The following CDC42BPA variants were observed in gnomAD, a reference collection of about 807,000 sequenced individuals.
CDC42BPA encodes the protein serine/threonine-protein kinase MRCK alpha.
A neutral mutation model predicts 223.5 loss-of-function variants in CDC42BPA; 80 were observed. The observed-to-expected ratio is 0.36, with a 90% CI of 0.30 to 0.43. CDC42BPA has a LOEUF of 0.43. CDC42BPA is among the 20% of genes least tolerant of loss of function. The pLI, the probability that CDC42BPA is intolerant of heterozygous loss-of-function variation, is 1.00. For missense variants in CDC42BPA, 1,743 were observed against 2,099.9 expected, an observed-to-expected ratio of 0.83 and a Z score of 3.32; for synonymous variants, 694 against 718.6, an observed-to-expected ratio of 0.97 and a Z score of 0.55.
intron 23 of CDC42BPA, among the ~76,000 whole-genome samples, chr1:227,045,010 T>C (rs1402450991): frequency 1.3e-5 from 2 of 152,178 alleles, no homozygotes; most frequent in African/African-American, 4.8e-5. Context: ...CCCTTACCCC[T>C]TTCTATTGAC....
At chr1:227,185,465 G>A (rs532320969) in intron 5 of CDC42BPA, among the ~76,000 whole-genome samples, 11 of 152,180 alleles carry the variant, frequency 7.2e-5, no homozygotes, top group Admixed American at 3.3e-4. Flanking sequence ...ATGGTGCCCC[G>A]CATTTGCATA....
intron 5 of CDC42BPA, chr1:227,180,564 T>C (rs1477008593): frequency 6.6e-6 from 1 of 152,152 alleles, no homozygotes; most frequent in Non-Finnish European, 1.5e-5. Context: ...TAGGAAACTA[T>C]ACCACAAACA....
chr1:227,182,228 C>A (rs560958940), intron 5 of CDC42BPA, among the ~76,000 whole-genome samples: 1 of 152,144 alleles, frequency 6.6e-6, no homozygotes, highest in African/African-American at 2.4e-5. Context: ...TTCATCTTAT[C>A]CCATGATTTG....
rs1037335573 is a variant in CDC42BPA at position 227,040,772 on chromosome 1, T to C, written c.3094-536A>G. Among the ~76,000 whole-genome samples the C allele has an allele frequency of 1.6e-4, 25 of 152,286 alleles. 1 individual carries two copies. Among genetic ancestry groups the C allele is most frequent in the African/African-American group, 5.8e-4 (24 of 41,574 alleles). On this transcript the variant is annotated intron_variant, in intron 23 of 36. Transcript: ENST00000366766. ...AGAGGCAGTATAACACTTGAGCAGA[T>C]AAGAATACACAAATATTATTCCAGA...
chr1:227,029,843 A>G (rs1269932253), intron 29 of CDC42BPA, among the ~76,000 whole-genome samples: 1 of 152,216 alleles, frequency 6.6e-6, no homozygotes, highest in African/African-American at 2.4e-5. Context: ...ATCTTTAGAA[A>G]TGCAATCTGG....
chr1:227,187,679 ACC>A (rs1177264278), intron 5 of CDC42BPA, among the ~76,000 whole-genome samples: 1 of 5,480 alleles, frequency 1.8e-4, no homozygotes, highest in Non-Finnish European at 5.5e-4. Context: ...GGCACCCCCC[ACC>A]CCCCCCCCAA....
At chr1:227,141,197 T>C (rs542077089) in intron 9 of CDC42BPA, among the ~76,000 whole-genome samples, 9 of 152,316 alleles carry the variant, frequency 5.9e-5, no homozygotes, top group African/African-American at 2.2e-4. Context: ...GGCACACACC[T>C]GACTGGAATG....
rs537556957 is a variant in CDC42BPA, at chr1:227,271,188, CAT to C, written c.179-17035_179-17034del. Reference sequence around the variant, plus strand: ...TTAATTATACTGTTTTTTAAATAAACATATATTCATGTACAACTTGTGTATTT... The same window carrying C: ...TTAATTATACTGTTTTTTAAATAAACATATTCATGTACAACTTGTGTATTT... On this transcript the variant is annotated intron_variant, in intron 1 of 36. Transcript: ENST00000366766. Among the ~76,000 whole-genome samples, 31 of 152,104 alleles carry C rather than the reference CAT, an allele frequency of 2.0e-4. 1 individual carries two copies. In the South Asian group the frequency reaches 6.0e-3, roughly 30 times the overall value.
Position 227,031,342 on chromosome 1 carries a change from C to T in CDC42BPA, c.3731G>A (p.Ser1244Asn). The change falls in exon 28 of 37, where the codon AGC becomes AAC. Residue 1244 changes from serine (S) to asparagine (N), a missense_variant. By Grantham distance (46) the Ser-to-Asn change is conservative. Coordinates refer to ENST00000366766, the MANE Select transcript of CDC42BPA (RefSeq NM_001394014.1). ...GGTTGTTTTAATGAGGGGTAGAGTG[C>T]TGTCATAAGCCTCTTTGGGAACATA... ...SVYVPKEAYD[S>N]TLPLIKTTQA... 1 of 1,613,988 alleles carries T rather than the reference C, an allele frequency of 6.2e-7. No homozygotes were observed. Among genetic ancestry groups the T allele is most frequent in the Non-Finnish European group, 8.5e-7 (1 of 1,179,954 alleles).
intron 16 of CDC42BPA, among the ~76,000 whole-genome samples, chr1:227,082,583 C>T (rs1352666856): frequency 1.3e-5 from 2 of 151,742 alleles, no homozygotes; most frequent in African/African-American, 4.8e-5. Flanking sequence ...GACGTGGTGG[C>T]ATGTGCCTGT....
At position 227,072,307 on chromosome 1, in the gene CDC42BPA, A is replaced by G. The variant is rs1402167074; in HGVS notation, c.2736-8T>C. The G allele has an allele frequency of 4.1e-6, 6 of 1,465,418 alleles. No individual in the cohort carries two copies. Among genetic ancestry groups the G allele is most frequent in the Admixed American group, 3.5e-5 (2 of 57,528 alleles). The allele number at this position is 1,465,418 out of a possible 1,614,324, so 90.8% of individuals were successfully genotyped here. On this transcript the variant is annotated splice_polypyrimidine_tract_variant and splice_region_variant and intron_variant, in intron 19 of 36. Transcript: ENST00000366766. The stretch of plus-strand genomic sequence containing the variant: ...TCTGAATCTTTTAGTTTACTTAAAT[A>G]AGGAGAAAAAAGGAAAAATGTCATT...
At chr1:227,077,792 A>G (rs1410505159) in intron 17 of CDC42BPA, among the ~76,000 whole-genome samples, 1 of 152,118 alleles carries the variant, frequency 6.6e-6, no homozygotes, top group African/African-American at 2.4e-5. Context: ...TTCCTACTTC[A>G]ATGATGCCAT....
At chr1:227,036,916 C>G (rs1558342904) in intron 24 of CDC42BPA, among the ~76,000 whole-genome samples, 2 of 152,142 alleles carry the variant, frequency 1.3e-5, no homozygotes, top group Admixed American at 1.3e-4. Flanking sequence ...AAAAGCCTGG[C>G]AGACAAAGGC....
intron 27 of CDC42BPA, 31 bp from the exon 28 acceptor site, chr1:227,031,545 T>C (rs1669294476): frequency 1.9e-6 from 3 of 1,552,234 alleles, no homozygotes; most frequent in Non-Finnish European, 2.7e-6. Context: ...TTCATGATAT[T>C]AGAAAACAGA....
chr1:227,229,964 G>C (rs144276802), intron 2 of CDC42BPA, among the ~76,000 whole-genome samples: 72 of 152,280 alleles, frequency 4.7e-4, no homozygotes, highest in African/African-American at 1.7e-3. Flanking sequence ...GAACTGATTT[G>C]ATTGCAACTG....
intron 15 of CDC42BPA, among the ~76,000 whole-genome samples, chr1:227,097,598 T>C (rs1423554066): frequency 1.3e-5 from 2 of 152,132 alleles, no homozygotes; most frequent in East Asian, 1.9e-4. Context: ...TACCACTAGA[T>C]AGAAAAGCCT....
In CDC42BPA at chr1:227,039,961, T is replaced by C. The variant is rs188654706; in HGVS notation, c.3199+170A>G. Among the ~76,000 whole-genome samples the C allele has an allele frequency of 5.2e-3, 797 of 152,314 alleles. 5 individuals carry two copies. Among genetic ancestry groups the C allele is most frequent in the Admixed American group, 7.0e-3 (107 of 15,296 alleles). ...TTAAATATATTGCCCCTGAAAAATA[T>C]GTCTAGTTTCTCGAACATTCAACAG... On this transcript the variant is annotated intron_variant, in intron 24 of 36. Transcript: ENST00000366766.
At chr1:227,043,709 GT>G (rs1444123503) in intron 23 of CDC42BPA, among the ~76,000 whole-genome samples, 13 of 152,174 alleles carry the variant, frequency 8.5e-5, no homozygotes, top group African/African-American at 3.1e-4. Flanking sequence ...GATAGTCTGA[GT>G]ATGTGTTTTT....
chr1:227,016,884 T>C, intron 33 of CDC42BPA, 43 bp downstream of exon 33: 2 of 1,557,808 alleles, frequency 1.3e-6, no homozygotes, highest in Non-Finnish European at 1.7e-6. Context: ...TAGTCCTTGA[T>C]GGTACAAGCA....
Sources: allele counts gnomAD v4.1 joint callset (sites outside exome capture counted in the v4.1 genomes callset), GRCh38; gene constraint gnomAD v4.1.1; transcripts MANE v1.5; gene names NCBI Gene and HGNC (gene_info 2026-07-23, HGNC 2026-07-21).